Variants in HPSE2 observed in about 807,000 individuals in gnomAD.
HPSE2 encodes heparanase 2 (inactive).
Under a neutral mutation model 60.5 loss-of-function variants are expected in HPSE2, and 38 were observed. That is an observed-to-expected ratio of 0.63 (90% CI 0.48 to 0.82). The LOEUF (loss-of-function observed/expected upper bound fraction) is 0.82. HPSE2 is among the 40% of genes least tolerant of loss of function. The pLI, the probability that HPSE2 is intolerant of heterozygous loss-of-function variation, is 0.00. For synonymous variants in HPSE2, 295 were observed against 293.2 expected (o/e 1.01, Z -0.06); for missense variants, 713 against 740.4 (o/e 0.96, Z 0.43).
intron 2 of HPSE2, among the ~76,000 whole-genome samples, chr10:99,180,328 G>A (rs994107871): frequency 6.6e-6 from 1 of 152,084 alleles, no homozygotes; most frequent in Non-Finnish European, 1.5e-5. Context: ...GCAACCTACA[G>A]CATGAGAGAA....
chr10:98,619,301 T>C (rs1003516806), intron 8 of HPSE2, among the ~76,000 whole-genome samples: 1 of 152,218 alleles, frequency 6.6e-6, no homozygotes, highest in Non-Finnish European at 1.5e-5. Context: ...TTAGTGATCC[T>C]GAGGGGTTTG....
intron 9 of HPSE2, among the ~76,000 whole-genome samples, chr10:98,496,237 T>C (rs746392209): frequency 2.0e-4 from 30 of 152,158 alleles, no homozygotes; most frequent in Admixed American, 1.8e-3. Flanking sequence ...TGAATGTTCC[T>C]GTATTTAATG....
intron 9 of HPSE2, among the ~76,000 whole-genome samples, chr10:98,577,695 A>G (rs931165112): frequency 6.6e-6 from 1 of 152,094 alleles, no homozygotes; most frequent in African/African-American, 2.4e-5. Flanking sequence ...TCATTCCACA[A>G]TTTTGGCAGT....
chr10:98,866,808 TA>T (rs889553283), intron 3 of HPSE2, among the ~76,000 whole-genome samples: 1 of 151,832 alleles, frequency 6.6e-6, no homozygotes, highest in Non-Finnish European at 1.5e-5. Flanking sequence ...GAAGATGAAA[TA>T]AAAACATTTT....
chr10:99,224,777 C>CA (rs540733322), intron 2 of HPSE2, among the ~76,000 whole-genome samples: 153 of 151,806 alleles, frequency 1.0e-3, no homozygotes, highest in African/African-American at 3.5e-3. Flanking sequence ...TTGCATTGTA[C>CA]AAAAAAAATT....
At chr10:98,703,788 TG>T (rs1948474205) in intron 5 of HPSE2, among the ~76,000 whole-genome samples, 1 of 152,174 alleles carries the variant, frequency 6.6e-6, no homozygotes, top group Non-Finnish European at 1.5e-5. Flanking sequence ...ATGAGCTATG[TG>T]TGACAAACCT....
chr10:98,730,726 A>T (rs181520831), intron 4 of HPSE2, among the ~76,000 whole-genome samples: 28 of 152,278 alleles, frequency 1.8e-4, no homozygotes, highest in East Asian at 5.8e-4. Flanking sequence ...AAATTTTTTT[A>T]AAAAATGCAG....
At chr10:98,751,230 C>A (rs72834993) in intron 3 of HPSE2, among the ~76,000 whole-genome samples, 2,291 of 152,242 alleles carry the variant, frequency 0.015, 32 homozygotes, top group African/African-American at 0.03. Context: ...GCAAACAAAG[C>A]TTATAGACAT....
chr10:98,716,498 C>G (rs1948795202), intron 5 of HPSE2, among the ~76,000 whole-genome samples: 1 of 151,748 alleles, frequency 6.6e-6, no homozygotes, highest in Admixed American at 6.6e-5. Context: ...AACCTTTTCC[C>G]ATGAATCACA....
chr10:98,866,770 T>C (rs1349423711), intron 3 of HPSE2, among the ~76,000 whole-genome samples: 6 of 152,062 alleles, frequency 3.9e-5, no homozygotes, highest in African/African-American at 7.2e-5. Flanking sequence ...TAGAATGCTA[T>C]AGCCAGTAAA....
intron 11 of HPSE2, among the ~76,000 whole-genome samples, chr10:98,470,053 A>G (rs1940712220): frequency 6.6e-6 from 1 of 152,098 alleles, no homozygotes; most frequent in African/African-American, 2.4e-5. Context: ...GCTACAAAGC[A>G]TCCCCTTTAC....
chr10:99,291,988 G>A, the HPSE2 span, among the ~76,000 whole-genome samples: 1 of 152,114 alleles, frequency 6.6e-6, no homozygotes, highest in Non-Finnish European at 1.5e-5. Context: ...TTTTTGGCAA[G>A]CTCCATTCCC....
At chr10:98,904,476 C>T (rs1357469949) in intron 3 of HPSE2, among the ~76,000 whole-genome samples, 2 of 152,112 alleles carry the variant, frequency 1.3e-5, no homozygotes, top group East Asian at 3.9e-4. Flanking sequence ...GCCATATATC[C>T]TTATTAATCA....
At chr10:98,983,192 C>T (rs945875358) in intron 3 of HPSE2, among the ~76,000 whole-genome samples, 3 of 152,142 alleles carry the variant, frequency 2.0e-5, no homozygotes, top group Admixed American at 6.5e-5. Context: ...CACTTTATTT[C>T]TATTATTACT....
At chr10:98,865,081 A>T (rs1952556004) in intron 3 of HPSE2, among the ~76,000 whole-genome samples, 1 of 152,126 alleles carries the variant, frequency 6.6e-6, no homozygotes, top group African/African-American at 2.4e-5. Context: ...CATTAAAAAG[A>T]TTCTTAAGAG....
intron 3 of HPSE2, among the ~76,000 whole-genome samples, chr10:98,829,089 A>C (rs1016558058): frequency 6.6e-6 from 1 of 152,250 alleles, no homozygotes; most frequent in Non-Finnish European, 1.5e-5. Flanking sequence ...CTGCTCAGAA[A>C]AGGGCAAATA....
chr10:99,234,815 A>G (rs976461320), intron 1 of HPSE2, among the ~76,000 whole-genome samples: 6 of 151,886 alleles, frequency 4.0e-5, no homozygotes, highest in African/African-American at 1.5e-4. Context: ...AAGAAAAGCT[A>G]AACTGTGCAG....
At chr10:98,662,393 A>G (rs1221125727) in intron 6 of HPSE2, among the ~76,000 whole-genome samples, 1 of 152,244 alleles carries the variant, frequency 6.6e-6, no homozygotes, top group Non-Finnish European at 1.5e-5. Flanking sequence ...GAATGAGATT[A>G]TGTCCTTTAC....
At chr10:98,694,413 T>G (rs561709228) in intron 5 of HPSE2, among the ~76,000 whole-genome samples, 1 of 152,220 alleles carries the variant, frequency 6.6e-6, no homozygotes, top group East Asian at 1.9e-4. Context: ...AGTTTATTTA[T>G]ACAAGTAAAA....
Sources: gnomAD v4.1 joint callset for allele counts (sites outside exome capture counted in the v4.1 genomes callset) on GRCh38, gnomAD v4.1.1 for gene constraint, MANE v1.5 for transcripts, NCBI Gene and HGNC (gene_info 2026-07-23, HGNC 2026-07-21) for gene names.